Variants in PPP1R13L observed in about 807,000 individuals in gnomAD.
PPP1R13L encodes the protein relA-associated inhibitor.
PPP1R13L carries 50 observed loss-of-function variants against 80.9 expected under a neutral mutation model. The observed-to-expected ratio is 0.62, with a 90% CI of 0.49 to 0.78. The LOEUF (loss-of-function observed/expected upper bound fraction) is 0.78, where lower values mean the gene tolerates loss of function less well. PPP1R13L is among the 30% of genes least tolerant of loss of function. The probability of loss-of-function intolerance (pLI) is 0.00; values close to 1 mark genes in which losing one functional copy is unlikely to be tolerated. For missense variants in PPP1R13L, 1,200 were observed against 1,205.9 expected, an observed-to-expected ratio of 1.00 and a Z score of 0.07; for synonymous variants, 602 against 534.3, an observed-to-expected ratio of 1.13 and a Z score of -1.75.
chr19:45,388,079 G>A (rs547975696), intron 8 of PPP1R13L, among the ~76,000 whole-genome samples: 2 of 151,794 alleles, frequency 1.3e-5, no homozygotes, highest in South Asian at 4.2e-4. Context: ...CGTGGCATGA[G>A]AATCACTTGA....
At chr19:45,399,553 G>A (rs1973190870) in intron 1 of PPP1R13L, among the ~76,000 whole-genome samples, 1 of 151,662 alleles carries the variant, frequency 6.6e-6, no homozygotes, top group Non-Finnish European at 1.5e-5. Context: ...GAACCCGGGA[G>A]GTGGAGCTTG....
At chr19:45,397,470 C>CCT (rs1973131734) in intron 3 of PPP1R13L, among the ~76,000 whole-genome samples, 5 of 96,210 alleles carry the variant, frequency 5.2e-5, no homozygotes, top group African/African-American at 2.9e-4. Context: ...CTTTCTCTCT[C>CCT]TCTCTTTCTT....
chr19:45,396,774 G>T lies in PPP1R13L; in HGVS notation c.483C>A (p.Pro161=). 2 of 1,354,646 alleles carry T rather than the reference G, an allele frequency of 1.5e-6. No homozygotes were observed. The highest frequency in any genetic ancestry group is 1.9e-6 in the Non-Finnish European group (2 of 1,063,944). The allele number at this position is 1,354,646 out of a possible 1,614,324, so 83.9% of individuals were successfully genotyped here. A position where few individuals can be genotyped will look rare whatever the true frequency, so the allele number is the denominator to read the frequency against. Residue 161 remains proline (P), a synonymous_variant, in exon 4 of 13, where the codon CCC becomes CCA. Transcript: ENST00000360957. This position sits in a 1 kb window ranked among gnomAD's most constrained non-coding sequence, Gnocchi z 5.3. ...SSLGRAPSPR[P]GPGPLRQQGP... ...CCTGCTGGCGGAGCGGGCCTGGCCC[G>T]GGCCGCGGGGAGGGCGCACGGCCGA...
chr19:45,405,529 C>T (rs1435559523), upstream of PPP1R13L, among the ~76,000 whole-genome samples: 4 of 152,264 alleles, frequency 2.6e-5, no homozygotes, highest in East Asian at 7.7e-4. Context: ...TCGGGCGACT[C>T]TTTGCCTCGG....
At chr19:45,382,996 C>CTTTTTTTTTTTTTTTTTTTT (rs60366714) in intron 11 of PPP1R13L, among the ~76,000 whole-genome samples, 1 of 126,276 alleles carries the variant, frequency 7.9e-6, no homozygotes, top group African/African-American at 3.1e-5. Context: ...TCTTTTCTTT[C>CTTTTTTTTTTTTTTTTTTTT]TTTTTTTTTT....
chr19:45,386,661 C>T (rs1433514482), intron 8 of PPP1R13L, among the ~76,000 whole-genome samples: 4 of 140,430 alleles, frequency 2.8e-5, no homozygotes, highest in Non-Finnish European at 4.5e-5. Context: ...GATGGAGTCT[C>T]GCTCTGTCAC....
intron 1 of PPP1R13L, among the ~76,000 whole-genome samples, chr19:45,400,438 C>T (rs1973208209): frequency 6.6e-6 from 1 of 151,748 alleles, no homozygotes; most frequent in African/African-American, 2.4e-5. Flanking sequence ...GCAGGGCAGG[C>T]TGGGGCATGC....
At chr19:45,394,026 A>G (rs147183246) in intron 7 of PPP1R13L, among the ~76,000 whole-genome samples, 199 of 152,278 alleles carry the variant, frequency 1.3e-3, no homozygotes, top group Middle Eastern at 3.4e-3. Flanking sequence ...CGGACAAGTA[A>G]TTTATCTTCA....
chr19:45,404,161 T>A (rs1298239350), intron 1 of PPP1R13L, among the ~76,000 whole-genome samples: 1 of 152,146 alleles, frequency 6.6e-6, no homozygotes, highest in Non-Finnish European at 1.5e-5. Flanking sequence ...AAGCCTCAGT[T>A]TACCCCTTCC....
Position 45,385,967 on chromosome 19 carries a change from C to T in PPP1R13L, c.1948-10G>A, listed in dbSNP as rs202068033. ...GGCTCGGGTCGTTCATCTGAGTGCA[C>T]CGGGGGAGGGGGAAGACTCAGTCCC... On this transcript the variant is annotated splice_polypyrimidine_tract_variant and intron_variant, in intron 9 of 12. Coordinates refer to ENST00000360957, the MANE Select transcript of PPP1R13L (RefSeq NM_006663.4). The T allele has an allele frequency of 1.2e-6, 2 of 1,606,094 alleles. No homozygotes were observed. The highest frequency in any genetic ancestry group is 8.5e-7 in the Non-Finnish European group (1 of 1,177,876).
chr19:45,393,975 A>G (rs1384940697), intron 7 of PPP1R13L, among the ~76,000 whole-genome samples: 2 of 152,206 alleles, frequency 1.3e-5, no homozygotes, highest in Non-Finnish European at 2.9e-5. Context: ...TCTATAGGGT[A>G]GATATTATTA....
chr19:45,398,718 G>A (rs1973168381), intron 1 of PPP1R13L, among the ~76,000 whole-genome samples: 1 of 148,288 alleles, frequency 6.7e-6, no homozygotes, highest in Admixed American at 6.8e-5. Flanking sequence ...TGCCTAGCTG[G>A]GACTACAAGC....
intron 8 of PPP1R13L, among the ~76,000 whole-genome samples, chr19:45,388,716 T>C (rs1259186781): frequency 2.0e-5 from 3 of 152,024 alleles, no homozygotes; most frequent in Admixed American, 6.6e-5. Context: ...TTATAATTAT[T>C]TTTTTTAAGA....
chr19:45,392,826 C>A (rs1973004411), intron 7 of PPP1R13L: 1 of 246,736 alleles, frequency 4.1e-6, no homozygotes, highest in Non-Finnish European at 7.9e-6. Context: ...TTAATGATTT[C>A]TTCTCTGTCT....
Position 45,386,166 on chromosome 19 carries a change from C to T in PPP1R13L, c.1830G>A (p.Val610=). 1 of 1,529,352 alleles carries T rather than the reference C, an allele frequency of 6.5e-7. No individual in the cohort carries two copies. The highest frequency in any genetic ancestry group is 8.7e-7 in the Non-Finnish European group (1 of 1,152,674). The allele number at this position is 1,529,352 out of a possible 1,614,324, so 94.7% of individuals were successfully genotyped here. A position where few individuals can be genotyped will look rare whatever the true frequency, so the allele number is the denominator to read the frequency against. ...TGCGCGGGGAGCCCGCCTTCCGCAGCACAGAGCGCATCTCCTGGGGGACAG... is the reference window on the plus strand; with the variant it reads ...TGCGCGGGGAGCCCGCCTTCCGCAGTACAGAGCGCATCTCCTGGGGGACAG... The part of the protein sequence containing the change: ...EQPQSMEMRS[V]LRKAGSPRKA... The change falls in exon 9 of 13, where the codon GTG becomes GTA. Residue 610 remains valine (V), a synonymous_variant. Transcript: ENST00000360957.
rs754955714 is a variant in PPP1R13L at position 45,392,199 on chromosome 19, G to A, written c.1496C>T (p.Pro499Leu). ...CAGCTCGGGCACCGACTGTGCCTCC[G>A]GTGGCAGTGCTGGCTGCAGCCTCGT... ...SPTRLQPALP[P>L]EAQSVPELEE... The change falls in exon 8 of 13, where the codon CCG (proline) becomes CTG (leucine). Residue 499 changes from proline to leucine, a missense_variant. Transcript: ENST00000360957. The A allele has an allele frequency of 1.1e-5, 17 of 1,611,524 alleles. No homozygotes were observed. The highest frequency in any genetic ancestry group is 6.7e-5 in the Admixed American group (4 of 59,884).
Position 45,391,948 on chromosome 19 carries a change from C to T in PPP1R13L, c.1747G>A (p.Ala583Thr), listed in dbSNP as rs566160226. 2.7e-6 allele frequency: 4 copies of T among 1,506,364 alleles called. No individual in the cohort carries two copies. In the East Asian group the frequency reaches 7.0e-5, roughly 26 times the overall value. 93.3% of individuals were successfully genotyped at this position (1,506,364 alleles called of 1,614,324 possible). ...SEARAGPPAP[A>T]PPAPIPPPAP... ...GGGGGTGGAATGGGAGCTGGTGGGG[C>T]AGGAGCAGGGGGCCCTGCCCTGGCC... is the stretch of plus-strand genomic sequence containing the variant. Residue 583 changes from alanine (A) to threonine (T), a missense_variant, in exon 8 of 13, where the codon GCC becomes ACC. By Grantham distance (58) the Ala-to-Thr change is moderately conservative. Coordinates refer to ENST00000360957, the MANE Select transcript of PPP1R13L (RefSeq NM_006663.4).
chr19:45,397,190 G>A, intron 3 of PPP1R13L, 132 bp from the exon 4 acceptor site: 1 of 683,770 alleles, frequency 1.5e-6, no homozygotes. Flanking sequence ...TGGAAATTCA[G>A]GCACAGAGAG....
chr19:45,390,186 G>A (rs1003202040), intron 8 of PPP1R13L, among the ~76,000 whole-genome samples: 1 of 152,110 alleles, frequency 6.6e-6, no homozygotes, highest in Non-Finnish European at 1.5e-5. Flanking sequence ...CGCCTTCCGG[G>A]TTTAAGCGAT....
Sources: gnomAD v4.1 joint callset for allele counts (sites outside exome capture counted in the v4.1 genomes callset) on GRCh38, gnomAD v4.1.1 for gene constraint, Gnocchi (gnomAD v3.1) non-coding constraint, MANE v1.5 for transcripts, NCBI Gene and HGNC (gene_info 2026-07-23, HGNC 2026-07-21) for gene names.